The following PLEKHA4 variants were observed in gnomAD, a reference collection of about 807,000 sequenced individuals.
PLEKHA4 encodes the protein pleckstrin homology domain containing A4, also known as pleckstrin homology domain-containing family A member 4.
A neutral mutation model predicts 94.7 loss-of-function variants in PLEKHA4; 73 were observed. The observed-to-expected ratio is 0.77, with a 90% CI of 0.64 to 0.94. The LOEUF is 0.94. Among genes scored for constraint, PLEKHA4 ranks in the 40% least tolerant of loss-of-function variants. The probability of loss-of-function intolerance (pLI) is 0.00; values close to 1 mark genes in which losing one functional copy is unlikely to be tolerated. For missense variants in PLEKHA4, 1,049 were observed against 1,054.1 expected (o/e 1.00, Z 0.07); for synonymous variants, 449 against 437.1 (o/e 1.03, Z -0.34).
chr19:48,841,634 A>ATG (rs1409787496), intron 16 of PLEKHA4, among the ~76,000 whole-genome samples: 1 of 151,386 alleles, frequency 6.6e-6, no homozygotes. Context: ...TCAAATATAT[A>ATG]TATATATATA....
Position 48,847,996 on chromosome 19 carries a change from C to A in PLEKHA4, c.1470G>T (p.Thr490=), listed in dbSNP as rs148488396. 1 of 1,613,336 alleles carries A rather than the reference C, an allele frequency of 6.2e-7. No homozygotes were observed. Among genetic ancestry groups the A allele is most frequent in the African/African-American group, 1.3e-5 (1 of 74,896 alleles). The change falls in exon 14 of 20, where the codon ACG becomes ACT. Residue 490 remains threonine, a synonymous_variant. Transcript: ENST00000263265. Reference sequence around the variant, plus strand: ...TCTGGGGGCCACCCAGACCTGCCAGCGTGTCTTCCACCATCCACAGCTGCT... The same window carrying A: ...TCTGGGGGCCACCCAGACCTGCCAGAGTGTCTTCCACCATCCACAGCTGCT... ...AQQQLWMVED[T]LAGLGGPQKP...
At chr19:48,860,610 C>G in intron 5 of PLEKHA4, 151 bp from the exon 6 acceptor site, 1 of 613,818 alleles carries the variant, frequency 1.6e-6, no homozygotes, top group Non-Finnish European at 2.9e-6. Flanking sequence ...TAATGAGACA[C>G]CCCCCTCCAC....
At chr19:48,858,546 G>T (rs1319399685) in intron 8 of PLEKHA4, among the ~76,000 whole-genome samples, 1 of 149,650 alleles carries the variant, frequency 6.7e-6, no homozygotes, top group African/African-American at 2.5e-5. Context: ...AGAATCGCTT[G>T]AACCCGGGAG....
Position 48,853,801 on chromosome 19 carries a change from G to T in PLEKHA4, c.1207C>A (p.Arg403=), listed in dbSNP as rs771437881. 1.2e-6 allele frequency: 2 copies of T among 1,612,562 alleles called. No homozygotes were observed. Among genetic ancestry groups the T allele is most frequent in the Non-Finnish European group, 1.7e-6 (2 of 1,179,332 alleles). The stretch of plus-strand genomic sequence containing the variant: ...CTGGTGGCTTGGCCCAGCTGTTGCC[G>T]GGTCAACTCCAGAGCTGCTTCTAGT... ...EQLEAALELT[R]QQLGQATREA... The change falls in exon 12 of 20, where the codon CGG becomes AGG. Residue 403 remains arginine, a synonymous_variant. Transcript: ENST00000263265.
intron 6 of PLEKHA4, 84 bp from the exon 7 acceptor site, chr19:48,859,768 T>G: frequency 7.7e-7 from 1 of 1,300,276 alleles, no homozygotes; most frequent in Non-Finnish European, 1.1e-6. Context: ...AACACAAGGA[T>G]GCACCCAAAA....
chr19:48,865,457 C>T (rs1001931163), intron 3 of PLEKHA4, 46 bp downstream of exon 3: 15 of 1,464,196 alleles, frequency 1.0e-5, no homozygotes, highest in African/African-American at 2.8e-5. Flanking sequence ...AGAGGACAGC[C>T]GGGGCACAGA....
chr19:48,837,645 T>C lies in PLEKHA4; in HGVS notation c.2078-94A>G, dbSNP rs1401873774. 7.0e-7 allele frequency: 1 copy of C among 1,434,460 alleles called. No homozygotes were observed. Among genetic ancestry groups the C allele is most frequent in the Non-Finnish European group, 9.6e-7 (1 of 1,045,706 alleles). The allele number at this position is 1,434,460 out of a possible 1,614,324, so 88.9% of individuals were successfully genotyped here. ...CTCCCTCAGACCCAGGACTCCGGAT[T>C]CCCAGCCCCTCCTCCATCAGACCCA... is the stretch of plus-strand genomic sequence containing the variant. On this transcript the variant is annotated intron_variant, in intron 19 of 19. Transcript: ENST00000263265. The surrounding 1 kb of genome is among the most constrained non-coding windows in gnomAD (Gnocchi z 4.3).
chr19:48,853,461 T>C (rs547263037), intron 12 of PLEKHA4, among the ~76,000 whole-genome samples: 1 of 151,432 alleles, frequency 6.6e-6, no homozygotes, highest in South Asian at 2.1e-4. Context: ...ATGGCACCAC[T>C]GTACTCCAGC....
intron 9 of PLEKHA4, 56 bp downstream of exon 9, chr19:48,857,366 G>C (rs1288556159): frequency 1.4e-6 from 1 of 725,742 alleles, no homozygotes; most frequent in Non-Finnish European, 2.4e-6. Context: ...ATTCCTCATA[G>C]AGAAGAAAGG....
chr19:48,851,943 AAAAC>A (rs1331682514), intron 13 of PLEKHA4, among the ~76,000 whole-genome samples: 2 of 152,170 alleles, frequency 1.3e-5, no homozygotes, highest in African/African-American at 4.8e-5. Flanking sequence ...GACTGTCTTA[AAAAC>A]AAACAAATAA....
At position 48,859,814 on chromosome 19, in the gene PLEKHA4, TC is replaced by T. The variant is rs1479031906; in HGVS notation, c.477-131del. ...GTGCACTATAAATCATCGTCCCCCT[TC>T]TTCAGAAGGGGAAACTGAGGCCTCC... On this transcript the variant is annotated intron_variant, in intron 6 of 19. Transcript: ENST00000263265. The T allele has an allele frequency of 3.6e-6, 3 of 833,382 alleles. No individual in the cohort carries two copies. In the Admixed American group the frequency reaches 8.1e-5, roughly 23 times the overall value. The allele number at this position is 833,382 out of a possible 1,614,324, so 51.6% of individuals were successfully genotyped here. A position where few individuals can be genotyped will look rare whatever the true frequency, so the allele number is the denominator to read the frequency against.
chr19:48,860,511 G>C, intron 5 of PLEKHA4, 52 bp from the exon 6 acceptor site: 1 of 1,389,110 alleles, frequency 7.2e-7, no homozygotes, highest in Non-Finnish European at 1.0e-6. Context: ...GTAAAAAGGA[G>C]GACAGGCCGG....
In PLEKHA4 at chr19:48,837,132, G is replaced by T. The variant is rs1599853784; in HGVS notation, c.*157C>A. ...AAGTTTTAATCCAAATTTAGACAGT[G>T]TTGAGAAAACCAAACTTTGGCCATA... On this transcript the variant is annotated 3_prime_UTR_variant, in exon 20 of 20. Coordinates refer to ENST00000263265, the MANE Select transcript of PLEKHA4 (RefSeq NM_020904.3). The surrounding 1 kb of genome is among the most constrained non-coding windows in gnomAD (Gnocchi z 4.3). The T allele has an allele frequency of 2.0e-6, 2 of 976,026 alleles. No homozygotes were observed. The highest frequency in any genetic ancestry group is 2.5e-5 in the East Asian group (1 of 40,150). The allele number at this position is 976,026 out of a possible 1,614,324, so 60.5% of individuals were successfully genotyped here. A position where few individuals can be genotyped will look rare whatever the true frequency, so the allele number is the denominator to read the frequency against.
intron 18 of PLEKHA4, chr19:48,838,342 G>A: frequency 2.7e-6 from 1 of 370,784 alleles, no homozygotes; most frequent in South Asian, 5.2e-5. Context: ...TCCTTGAAAG[G>A]GGATGGATAC....
intron 18 of PLEKHA4, 128 bp downstream of exon 18, chr19:48,839,077 C>G (rs1211334516): frequency 2.0e-6 from 1 of 507,316 alleles, no homozygotes; most frequent in East Asian, 3.2e-5. Context: ...GCCCCGGGAA[C>G]TTAAGCATCT....
chr19:48,838,904 C>T (rs182174523), intron 18 of PLEKHA4, among the ~76,000 whole-genome samples: 1 of 152,210 alleles, frequency 6.6e-6, no homozygotes, highest in African/African-American at 2.4e-5. Context: ...AAACATGGCA[C>T]CGCCCTCATA....
chr19:48,847,959 G>T lies in PLEKHA4; in HGVS notation c.1507C>A (p.His503Asn). 5.6e-6 allele frequency: 9 copies of T among 1,612,618 alleles called. No homozygotes were observed. Among genetic ancestry groups the T allele is most frequent in the Non-Finnish European group, 7.6e-6 (9 of 1,179,380 alleles). ...GGAGATGGGGAGTCAGGCTCAGTGT[G>T]TGGGGGCGGTTTCTGGGGGCCACCC... is the stretch of plus-strand genomic sequence containing the variant. ...GLGGPQKPPP[H>N]TEPDSPSPVL... The change falls in exon 14 of 20, where the codon CAC (histidine) becomes AAC (asparagine). Residue 503 changes from histidine (H) to asparagine (N), a missense_variant. Coordinates refer to ENST00000263265, the MANE Select transcript of PLEKHA4 (RefSeq NM_020904.3).
chr19:48,862,700 A>G (rs1029495492), intron 3 of PLEKHA4, among the ~76,000 whole-genome samples: 2 of 151,646 alleles, frequency 1.3e-5, no homozygotes, highest in Admixed American at 1.3e-4. Flanking sequence ...TTTTTAGTAG[A>G]GACGGGGTTT....
chr19:48,840,328 T>C (rs2122881676), intron 17 of PLEKHA4, among the ~76,000 whole-genome samples: 1 of 150,374 alleles, frequency 6.7e-6, no homozygotes, highest in Non-Finnish European at 1.5e-5. Context: ...GGCATGAAAA[T>C]CACTTGAACC....
Sources: allele counts gnomAD v4.1 joint callset (sites outside exome capture counted in the v4.1 genomes callset), GRCh38; gene constraint gnomAD v4.1.1; non-coding constraint Gnocchi (gnomAD v3.1); transcripts MANE v1.5; gene names NCBI Gene and HGNC (gene_info 2026-07-23, HGNC 2026-07-21).